Variants in GSE1 observed in about 807,000 individuals in gnomAD.
GSE1 encodes the protein Gse1 coiled-coil protein, also known as genetic suppressor element 1.
Under a neutral mutation model 112.6 loss-of-function variants are expected in GSE1, and 32 were observed. That is an observed-to-expected ratio of 0.28 (90% confidence interval 0.21 to 0.38). The LOEUF is 0.38. Ranked by LOEUF, GSE1 falls within the 10% of genes least tolerant of loss-of-function variation. GSE1 has a pLI of 1.00. For synonymous variants in GSE1, 1,115 were observed against 735.6 expected (o/e 1.52, Z -8.35); for missense variants, 2,348 against 1,699.2 (o/e 1.38, Z -6.71).
At chr16:85,422,926 T>G (rs898537407) in intron 2 of GSE1, among the ~76,000 whole-genome samples, 1 of 152,094 alleles carries the variant, frequency 6.6e-6, no homozygotes, top group African/African-American at 2.4e-5. Context: ...CCTGGCTGCT[T>G]TATCTTGACA....
intron 2 of GSE1, among the ~76,000 whole-genome samples, chr16:85,422,369 C>G (rs74387765): frequency 1.0e-4 from 8 of 78,574 alleles, no homozygotes; most frequent in South Asian, 8.9e-4. Context: ...CTGGGCGGGG[C>G]GGGGGGGGGT....
At chr16:85,561,052 G>C (rs904555476) in intron 1 of GSE1, among the ~76,000 whole-genome samples, 4 of 151,866 alleles carry the variant, frequency 2.6e-5, no homozygotes, top group Non-Finnish European at 4.4e-5. Flanking sequence ...GGATCACCTG[G>C]GCCCAGGAGG....
At chr16:85,414,887 C>T (rs2048668928) in intron 2 of GSE1, among the ~76,000 whole-genome samples, 2 of 152,310 alleles carry the variant, frequency 1.3e-5, no homozygotes, top group Admixed American at 6.5e-5. Flanking sequence ...CCACCTGCCT[C>T]GGCCTCCCAA....
chr16:85,517,600 C>G (rs1051245762), intron 2 of GSE1, among the ~76,000 whole-genome samples: 12 of 135,966 alleles, frequency 8.8e-5, no homozygotes, highest in Non-Finnish European at 1.6e-4. Flanking sequence ...ATCCCACGCT[C>G]CCCTCCCCCC....
chr16:85,194,825 C>T (rs1369291220), intron 1 of GSE1, among the ~76,000 whole-genome samples: 1 of 152,082 alleles, frequency 6.6e-6, no homozygotes, highest in Non-Finnish European at 1.5e-5. Context: ...TTGGGGTGGA[C>T]ACAAGTGTCT....
chr16:85,467,379 C>G (rs2050153839), intron 2 of GSE1, among the ~76,000 whole-genome samples: 1 of 152,220 alleles, frequency 6.6e-6, no homozygotes, highest in Non-Finnish European at 1.5e-5. Flanking sequence ...CAAACTACCC[C>G]AAGACATTGG....
intron 2 of GSE1, among the ~76,000 whole-genome samples, chr16:85,542,515 G>T (rs756770902): frequency 6.6e-6 from 1 of 152,214 alleles, no homozygotes; most frequent in African/African-American, 2.4e-5. Context: ...CTGCCCAGGC[G>T]CAGCAAGCCT....
At chr16:85,304,461 G>A (rs559245493) in intron 1 of GSE1, among the ~76,000 whole-genome samples, 5 of 152,332 alleles carry the variant, frequency 3.3e-5, no homozygotes, top group South Asian at 2.1e-4. Context: ...TAGCCCGCCC[G>A]CCAGGGGCAG....
chr16:85,502,698 A>AG (rs1418897268), intron 2 of GSE1, among the ~76,000 whole-genome samples: 1 of 152,194 alleles, frequency 6.6e-6, no homozygotes, highest in Non-Finnish European at 1.5e-5. Context: ...GCCGACCTGC[A>AG]GGGGAGCCTG....
intron 1 of GSE1, among the ~76,000 whole-genome samples, chr16:85,602,448 C>A (rs2047508497): frequency 6.6e-6 from 1 of 152,144 alleles, no homozygotes; most frequent in Non-Finnish European, 1.5e-5. Flanking sequence ...ACCCTTGGGC[C>A]CTGGCCGCCC....
At chr16:85,347,389 A>G (rs1187290006) in intron 1 of GSE1, among the ~76,000 whole-genome samples, 1 of 152,170 alleles carries the variant, frequency 6.6e-6, no homozygotes, top group Non-Finnish European at 1.5e-5. Context: ...ATTCCCCAGC[A>G]GCACCCAAGC....
At chr16:85,258,809 C>A (rs1907356646) in intron 1 of GSE1, among the ~76,000 whole-genome samples, 1 of 152,216 alleles carries the variant, frequency 6.6e-6, no homozygotes, top group African/African-American at 2.4e-5. Flanking sequence ...GCGGTTTAGC[C>A]TCTGCCCCTT....
chr16:85,427,781 C>T (rs1037922902), intron 2 of GSE1, among the ~76,000 whole-genome samples: 9 of 147,772 alleles, frequency 6.1e-5, no homozygotes, highest in Admixed American at 4.7e-4. Flanking sequence ...GCAGTGAGCC[C>T]AGATCGCGCC....
chr16:85,175,819 C>T (rs760574601), intron 1 of GSE1, among the ~76,000 whole-genome samples: 8 of 152,090 alleles, frequency 5.3e-5, no homozygotes, highest in Non-Finnish European at 1.0e-4. Context: ...CGCCGCAGCC[C>T]GGTTTCAGGA....
intron 1 of GSE1, among the ~76,000 whole-genome samples, chr16:85,623,374 C>T (rs2048861883): frequency 6.6e-6 from 1 of 152,194 alleles, no homozygotes; most frequent in African/African-American, 2.4e-5. Context: ...CCACTGTTCA[C>T]TGACCCTCTT....
chr16:85,293,259 G>A (rs2045273397), intron 1 of GSE1, among the ~76,000 whole-genome samples: 1 of 152,158 alleles, frequency 6.6e-6, no homozygotes, highest in South Asian at 2.1e-4. Flanking sequence ...CAAAAGTGGT[G>A]GCTTGGCCTG....
At chr16:85,197,610 C>A (rs2074952388) in intron 1 of GSE1, among the ~76,000 whole-genome samples, 1 of 152,210 alleles carries the variant, frequency 6.6e-6, no homozygotes, top group Non-Finnish European at 1.5e-5. Flanking sequence ...CACAAGAGCG[C>A]TGGCCTCTCT....
intron 2 of GSE1, among the ~76,000 whole-genome samples, chr16:85,394,658 C>T (rs138979947): frequency 1.7e-4 from 26 of 152,288 alleles, no homozygotes; most frequent in Non-Finnish European, 2.5e-4. Flanking sequence ...GGTGTGTGGG[C>T]GTCTCCCCCT....
rs149949588 is a variant in GSE1 at position 85,266,283 on chromosome 16, A to G, written c.2284-91180A>G. Among the ~76,000 whole-genome samples the G allele has an allele frequency of 2.1e-4, 32 of 152,286 alleles. No individual in the cohort carries two copies. In the East Asian group the frequency reaches 5.8e-3, roughly 28 times the overall value. On this transcript the variant is annotated intron_variant, in intron 1 of 2. Coordinates refer to the GSE1 transcript ENST00000637419. ...CTCTCTCTCTAGGAAAACTCTAGCA[A>G]TGAGCGAGCTTGATTGCTCAGTTAG...
Sources: gnomAD v4.1 joint callset for allele counts (sites outside exome capture counted in the v4.1 genomes callset) on GRCh38, gnomAD v4.1.1 for gene constraint, MANE v1.5 for transcripts, NCBI Gene and HGNC (gene_info 2026-07-23, HGNC 2026-07-21) for gene names.